The following CERK variants were observed in gnomAD, a reference collection of about 807,000 sequenced individuals.
The protein encoded by CERK is ceramide kinase, also known as acylsphingosine kinase.
A neutral mutation model predicts 63.4 loss-of-function variants in CERK; 39 were observed. The ratio of observed to expected loss-of-function variants is 0.61; its 90% CI spans 0.48 to 0.80. The LOEUF (loss-of-function observed/expected upper bound fraction) is 0.80. Ranked by LOEUF, CERK falls within the 30% of genes least tolerant of loss-of-function variation. CERK has a pLI of 0.00. For missense variants in CERK, 670 were observed against 714.1 expected (o/e 0.94, Z 0.70); for synonymous variants, 302 against 280.0 (o/e 1.08, Z -0.78).
chr22:46,703,291 TC>T (rs1315453657), intron 6 of CERK, among the ~76,000 whole-genome samples: 3 of 152,082 alleles, frequency 2.0e-5, no homozygotes, highest in African/African-American at 7.2e-5. Context: ...GAGGCAGCCA[TC>T]CACGGGAGGC....
chr22:46,695,866 G>T (rs571835648), intron 8 of CERK, among the ~76,000 whole-genome samples: 96 of 152,322 alleles, frequency 6.3e-4, no homozygotes, highest in African/African-American at 2.3e-3. Context: ...CCTGGCACCC[G>T]GGCTGTCTGG....
rs2082694707 is a variant in CERK at position 46,685,319 on chromosome 22, C to T, written c.*1815G>A. The T allele has an allele frequency of 1.3e-5, 2 of 152,390 alleles. No homozygotes were observed. The highest frequency in any genetic ancestry group is 4.1e-4 in the South Asian group (2 of 4,838). 9.4% of individuals were successfully genotyped at this position (152,390 alleles called of 1,614,324 possible). A position where few individuals can be genotyped will look rare whatever the true frequency, so the allele number is the denominator to read the frequency against. ...CTCCTGACCTTAGGTGATCCACCCG[C>T]CTCGGCCTCCCAAAGTGCTGGGATT... On this transcript the variant is annotated 3_prime_UTR_variant, in exon 13 of 13. Transcript: ENST00000216264.
intron 9 of CERK, among the ~76,000 whole-genome samples, chr22:46,694,420 G>A (rs970839767): frequency 5.3e-5 from 8 of 152,254 alleles, no homozygotes; most frequent in East Asian, 3.9e-4. Flanking sequence ...TTGTTCAGTG[G>A]CGTAGCCACC....
chr22:46,731,031 C>T (rs1037163357), intron 1 of CERK, among the ~76,000 whole-genome samples: 3 of 152,276 alleles, frequency 2.0e-5, no homozygotes, highest in African/African-American at 7.2e-5. Context: ...GACTTCCACC[C>T]TTGAGAGGCT....
At chr22:46,728,533 T>C (rs1242268776) in intron 1 of CERK, among the ~76,000 whole-genome samples, 1 of 152,082 alleles carries the variant, frequency 6.6e-6, no homozygotes, top group Non-Finnish European at 1.5e-5. Context: ...AGGATCCCAT[T>C]GGGTGTGAAG....
At chr22:46,712,833 T>C (rs912448144) in intron 3 of CERK, among the ~76,000 whole-genome samples, 6 of 127,862 alleles carry the variant, frequency 4.7e-5, no homozygotes, top group Non-Finnish European at 4.8e-5. Flanking sequence ...GTCACCCCCA[T>C]TTTCTTTTCT....
At chr22:46,712,143 A>G (rs746221129) in intron 4 of CERK, 25 bp downstream of exon 4, 2 of 1,613,046 alleles carry the variant, frequency 1.2e-6, no homozygotes, top group East Asian at 4.5e-5. Flanking sequence ...ACTTACTTCT[A>G]CATAGTTAAC....
intron 1 of CERK, among the ~76,000 whole-genome samples, chr22:46,727,558 G>A (rs1294891137): frequency 6.6e-6 from 1 of 151,618 alleles, no homozygotes; most frequent in African/African-American, 2.4e-5. Flanking sequence ...GCCTCCCAAA[G>A]TGTTGGGATT....
intron 1 of CERK, among the ~76,000 whole-genome samples, chr22:46,731,773 G>T (rs572662826): frequency 1.3e-5 from 2 of 152,334 alleles, no homozygotes; most frequent in African/African-American, 4.8e-5. Flanking sequence ...AGGAATGCAA[G>T]CCAGGCCACA....
chr22:46,730,176 G>C (rs945295520), intron 1 of CERK, among the ~76,000 whole-genome samples: 8 of 151,912 alleles, frequency 5.3e-5, no homozygotes, highest in African/African-American at 1.9e-4. Flanking sequence ...CTAGCACTTT[G>C]GGAGGCCAAG....
chr22:46,699,040 C>T (rs62232615), intron 8 of CERK, among the ~76,000 whole-genome samples: 9,965 of 152,158 alleles, frequency 0.065, 367 homozygotes, highest in Admixed American at 0.092. Context: ...GTTCCAGCAC[C>T]TGGGGTTCTG....
At chr22:46,725,591 T>C (rs1188214661) in intron 1 of CERK, among the ~76,000 whole-genome samples, 6 of 152,180 alleles carry the variant, frequency 3.9e-5, no homozygotes, top group African/African-American at 1.4e-4. Flanking sequence ...AAGGTGGGAA[T>C]TGGGGGCACT....
At position 46,724,772 on chromosome 22, in the gene CERK, C is replaced by T. The variant is rs149207373; in HGVS notation, c.143-3757G>A. Among the ~76,000 whole-genome samples the T allele has an allele frequency of 3.8e-3, 575 of 152,284 alleles. 3 individuals carry two copies. The highest frequency in any genetic ancestry group is 0.012 in the African/African-American group (515 of 41,550). ...GGGTGGCTCACACCTGTAATCCCTG[C>T]ACTTTGGGAGGCTAAGGTGGGCGGA... On this transcript the variant is annotated intron_variant, in intron 1 of 12. Coordinates refer to ENST00000216264, the MANE Select transcript of CERK (RefSeq NM_022766.6).
chr22:46,702,129 C>T (rs979081165), intron 6 of CERK, among the ~76,000 whole-genome samples: 5 of 137,276 alleles, frequency 3.6e-5, no homozygotes, highest in East Asian at 4.4e-4. Context: ...TGCAGTGAGT[C>T]GAGATCGCGC....
At chr22:46,733,281 T>A (rs1253555910) in intron 1 of CERK, among the ~76,000 whole-genome samples, 1 of 151,358 alleles carries the variant, frequency 6.6e-6, no homozygotes, top group South Asian at 2.1e-4. Flanking sequence ...CATCATTTTT[T>A]ATTTTTATTT....
At chr22:46,699,282 C>G (rs748855102) in intron 8 of CERK, 31 bp downstream of exon 8, 1 of 1,609,696 alleles carries the variant, frequency 6.2e-7, no homozygotes, top group African/African-American at 1.3e-5. Flanking sequence ...GCACGACCAG[C>G]GGGGAGCGAG....
rs1181065748 is a variant in CERK, at chr22:46,702,239, G to A, written c.716-529C>T. 4.0e-3 allele frequency among the ~76,000 whole-genome samples: 514 copies of A among 127,998 alleles called. 4 individuals are homozygous for A. The highest frequency in any genetic ancestry group is 0.015 in the African/African-American group (490 of 32,084). 84.0% of individuals were successfully genotyped at this position (127,998 alleles called of 152,430 possible). A position where few individuals can be genotyped will look rare whatever the true frequency, so the allele number is the denominator to read the frequency against. Reference sequence around the variant, plus strand: ...AATATATATATGTGTGTGTGTGTGTGTGTGTGTGTGTGTGTGTGTGTGTGT... The same window carrying A: ...AATATATATATGTGTGTGTGTGTGTATGTGTGTGTGTGTGTGTGTGTGTGT... On this transcript the variant is annotated intron_variant, in intron 6 of 12. Coordinates refer to ENST00000216264, the MANE Select transcript of CERK (RefSeq NM_022766.6).
At chr22:46,691,487 T>C in intron 11 of CERK, 85 bp downstream of exon 11, 1 of 1,167,536 alleles carries the variant, frequency 8.6e-7, no homozygotes, top group Non-Finnish European at 1.2e-6. Context: ...AATTAAATAA[T>C]GAATTCCTAC....
At chr22:46,729,611 T>C (rs1026820852) in intron 1 of CERK, among the ~76,000 whole-genome samples, 5 of 151,960 alleles carry the variant, frequency 3.3e-5, no homozygotes, top group African/African-American at 1.2e-4. Flanking sequence ...CAAAATAATG[T>C]ACCAAATATC....
Sources: gnomAD v4.1 joint callset for allele counts (sites outside exome capture counted in the v4.1 genomes callset) on GRCh38, gnomAD v4.1.1 for gene constraint, MANE v1.5 for transcripts, NCBI Gene and HGNC (gene_info 2026-07-23, HGNC 2026-07-21) for gene names.